Variants in ANKUB1 observed in about 807,000 individuals in gnomAD.
The protein encoded by ANKUB1 is protein ANKUB1.
Under a neutral mutation model 49.3 loss-of-function variants are expected in ANKUB1, and 42 were observed. The ratio of observed to expected loss-of-function variants is 0.85; its 90% CI spans 0.67 to 1.10. The LOEUF (loss-of-function observed/expected upper bound fraction) is 1.10, where lower values mean the gene tolerates loss of function less well. ANKUB1 is among the 50% of genes least tolerant of loss of function. ANKUB1 has a pLI of 0.00. For synonymous variants in ANKUB1, 222 were observed against 231.0 expected, an observed-to-expected ratio of 0.96 and a Z score of 0.35; for missense variants, 613 against 642.0, an observed-to-expected ratio of 0.95 and a Z score of 0.49.
At chr3:149,774,924 C>A (rs2108270247) in intron 3 of ANKUB1, among the ~76,000 whole-genome samples, 1 of 152,322 alleles carries the variant, frequency 6.6e-6, no homozygotes, top group Non-Finnish European at 1.5e-5. Context: ...GAAAATACAA[C>A]TAAAACCTAT....
intron 2 of ANKUB1, among the ~76,000 whole-genome samples, chr3:149,788,088 G>C (rs1718190852): frequency 6.6e-6 from 1 of 152,096 alleles, no homozygotes; most frequent in Non-Finnish European, 1.5e-5. Context: ...CTTTCACAAA[G>C]TAACATGATT....
chr3:149,766,525 C>T, intron 5 of ANKUB1: 1 of 285,532 alleles, frequency 3.5e-6, no homozygotes. Flanking sequence ...GCAGGCTAGG[C>T]ACAGTGGTTC....
At chr3:149,786,066 C>T (rs775921930) in intron 2 of ANKUB1, among the ~76,000 whole-genome samples, 12 of 147,566 alleles carry the variant, frequency 8.1e-5, no homozygotes, top group African/African-American at 2.0e-4. Context: ...GACAGAGTCT[C>T]GCTTTTTCGC....
chr3:149,784,147 T>A (rs1266076783), intron 2 of ANKUB1, among the ~76,000 whole-genome samples: 1 of 152,190 alleles, frequency 6.6e-6, no homozygotes, highest in Non-Finnish European at 1.5e-5. Context: ...TACAGTTAAC[T>A]CAATCTCTCA....
chr3:149,762,621 T>C (rs1395968847), intron 5 of ANKUB1, among the ~76,000 whole-genome samples: 1 of 152,232 alleles, frequency 6.6e-6, no homozygotes, highest in Non-Finnish European at 1.5e-5. Context: ...TCTTTCCACA[T>C]CTTTCCAACG....
At chr3:149,786,716 T>A (rs1559871338) in intron 2 of ANKUB1, among the ~76,000 whole-genome samples, 1 of 152,258 alleles carries the variant, frequency 6.6e-6, no homozygotes, top group Admixed American at 6.5e-5. Flanking sequence ...TGGTTTTAGG[T>A]CTAACATTTA....
In ANKUB1 at chr3:149,766,814, GA is replaced by G. The variant is rs1405975830; in HGVS notation, c.1505+342del. 1.1e-5 allele frequency: 9 copies of G among 829,322 alleles called. No homozygotes were observed. In the African/African-American group the frequency reaches 1.8e-4, roughly 16 times the overall value. The allele number at this position is 829,322 out of a possible 1,614,324, so 51.4% of individuals were successfully genotyped here. A position where few individuals can be genotyped will look rare whatever the true frequency, so the allele number is the denominator to read the frequency against. ...CCCTGTCTCAAACAAAAAGAAAAAA[GA>G]AAAGCAGCAGCAGCAGCAGCAGCAG... On this transcript the variant is annotated intron_variant, in intron 5 of 5. Coordinates refer to ENST00000446160, the MANE Select transcript of ANKUB1 (RefSeq NM_001144960.3).
At chr3:149,778,277 T>C (rs1717693128) in intron 3 of ANKUB1, 1 of 152,242 alleles carries the variant, frequency 6.6e-6, no homozygotes, top group African/African-American at 2.4e-5. Context: ...GCTTAGACCC[T>C]TAACCTTATA....
rs1576671652 is a variant in ANKUB1 at position 149,770,813 on chromosome 3, G to A, written c.452-139C>T. 6 of 608,106 alleles carry A rather than the reference G, an allele frequency of 9.9e-6. No individual in the cohort carries two copies. In the East Asian group the frequency reaches 1.5e-4, roughly 15 times the overall value. The allele number at this position is 608,106 out of a possible 1,614,324, so 37.7% of individuals were successfully genotyped here. ...AAAATAACCTTGGAACAAGGAGACAGGGATGGTATTTTTAGCATAGGCCAT... is the reference window on the plus strand; with the variant it reads ...AAAATAACCTTGGAACAAGGAGACAAGGATGGTATTTTTAGCATAGGCCAT... On this transcript the variant is annotated intron_variant, in intron 3 of 5. Coordinates refer to ENST00000446160, the MANE Select transcript of ANKUB1 (RefSeq NM_001144960.3).
intron 5 of ANKUB1, among the ~76,000 whole-genome samples, chr3:149,763,421 C>A (rs1716858744): frequency 6.6e-6 from 1 of 152,162 alleles, no homozygotes. Context: ...CTATGGCAAG[C>A]ACTATTCTAT....
intron 4 of ANKUB1, among the ~76,000 whole-genome samples, chr3:149,768,675 G>A (rs1717181567): frequency 6.6e-6 from 1 of 152,138 alleles, no homozygotes; most frequent in Non-Finnish European, 1.5e-5. Flanking sequence ...CTCAGTAGTT[G>A]GGATTACAGG....
chr3:149,774,593 G>A (rs749411253), intron 3 of ANKUB1, among the ~76,000 whole-genome samples: 11 of 152,178 alleles, frequency 7.2e-5, no homozygotes, highest in South Asian at 2.1e-4. Context: ...AGAGAGGACC[G>A]TACGATTTAA....
chr3:149,765,024 T>A (rs1159151300), intron 5 of ANKUB1, among the ~76,000 whole-genome samples: 1 of 152,192 alleles, frequency 6.6e-6, no homozygotes, highest in Non-Finnish European at 1.5e-5. Flanking sequence ...AGAACAATCA[T>A]GCATTTTTAT....
intron 5 of ANKUB1, 192 bp downstream of exon 5, chr3:149,766,965 G>C: frequency 9.9e-7 from 1 of 1,011,058 alleles, no homozygotes; most frequent in Non-Finnish European, 1.5e-6. Flanking sequence ...TGCACAGATT[G>C]GATTGGCCAA....
chr3:149,761,300 TAA>T lies in ANKUB1; in HGVS notation c.*182_*183del. 1.6e-6 allele frequency: 1 copy of T among 635,788 alleles called. No individual in the cohort carries two copies. The highest frequency in any genetic ancestry group is 3.0e-5 in the East Asian group (1 of 32,928). 39.4% of individuals were successfully genotyped at this position (635,788 alleles called of 1,614,324 possible). A position where few individuals can be genotyped will look rare whatever the true frequency, so the allele number is the denominator to read the frequency against. ...CATATTCTTTATGCAAAAATAGCAC[TAA>T]AGTTTCACTTAGTGTGATGAAGTCT... On this transcript the variant is annotated 3_prime_UTR_variant, in exon 6 of 6. Coordinates refer to ENST00000446160, the MANE Select transcript of ANKUB1 (RefSeq NM_001144960.3).
At chr3:149,763,859 G>A (rs1361573653) in intron 5 of ANKUB1, 1 of 455,526 alleles carries the variant, frequency 2.2e-6, no homozygotes, top group Non-Finnish European at 4.4e-6. Context: ...ACTGCATAAT[G>A]CCATCTTGGA....
rs956071049 is a variant in ANKUB1 at position 149,792,181 on chromosome 3, T to G, written c.90+96A>C. On this transcript the variant is annotated intron_variant, in intron 1 of 5. Coordinates refer to ENST00000446160, the MANE Select transcript of ANKUB1 (RefSeq NM_001144960.3). Reference sequence around the variant, plus strand: ...GTTTTCGTTCCCTGTTTGCTGAAAATGTACCCAATAGCATCTCTACCCTTT... The same window carrying G: ...GTTTTCGTTCCCTGTTTGCTGAAAAGGTACCCAATAGCATCTCTACCCTTT... 3.9e-5 allele frequency: 30 copies of G among 760,170 alleles called. 1 individual carries two copies. In the East Asian group the frequency reaches 1.0e-3, roughly 26 times the overall value. 47.1% of individuals were successfully genotyped at this position (760,170 alleles called of 1,614,324 possible).
chr3:149,790,736 A>T, intron 2 of ANKUB1, 45 bp downstream of exon 2: 1 of 1,502,318 alleles, frequency 6.7e-7, no homozygotes, highest in Non-Finnish European at 8.9e-7. Flanking sequence ...ACTTTATTCA[A>T]AATGAGATAG....
Position 149,767,239 on chromosome 3 carries a change from G to T in ANKUB1, c.1423C>A (p.Leu475Met). Reference sequence around the variant, plus strand: ...AAGAAAGATGAGAAGGAGGACTTCAGTAAAAAGTCAGCACTGGGTGTTGCA... The same window carrying T: ...AAGAAAGATGAGAAGGAGGACTTCATTAAAAAGTCAGCACTGGGTGTTGCA... ...FYATPSADFL[L>M]KSSFSSFLEH... The change falls in exon 5 of 6, where the codon CTG becomes ATG. Residue 475 changes from leucine to methionine, a missense_variant. Transcript: ENST00000446160. The T allele has an allele frequency of 6.4e-7, 1 of 1,551,358 alleles. No individual in the cohort carries two copies. Among genetic ancestry groups the T allele is most frequent in the Non-Finnish European group, 8.7e-7 (1 of 1,146,928 alleles).
Sources: allele counts gnomAD v4.1 joint callset (sites outside exome capture counted in the v4.1 genomes callset), GRCh38; gene constraint gnomAD v4.1.1; transcripts MANE v1.5; gene names NCBI Gene and HGNC (gene_info 2026-07-23, HGNC 2026-07-21).